The following PRAG1 variants were observed in gnomAD, a reference collection of about 807,000 sequenced individuals.
PRAG1 encodes PEAK1 related, kinase-activating pseudokinase 1.
A neutral mutation model predicts 95.6 loss-of-function variants in PRAG1; 110 were observed. The ratio of observed to expected loss-of-function variants is 1.15; its 90% CI spans 0.99 to 1.35. PRAG1 has a LOEUF of 1.35. Ranked by LOEUF, PRAG1 falls within the 40% of genes most tolerant of loss-of-function variation. The probability of loss-of-function intolerance (pLI) is 0.00; values close to 1 mark genes in which losing one functional copy is unlikely to be tolerated. For synonymous variants in PRAG1, 1,052 were observed against 819.4 expected (o/e 1.28, Z -4.85); for missense variants, 2,554 against 1,864.7 (o/e 1.37, Z -6.81).
intron 3 of PRAG1, among the ~76,000 whole-genome samples, chr8:8,350,420 G>A (rs1444657723): frequency 6.6e-6 from 1 of 152,214 alleles, no homozygotes; most frequent in South Asian, 2.1e-4. Context: ...GAAAGTCAAG[G>A]AGGAAACTCA....
rs201018986 is a variant in PRAG1 at position 8,376,416 on chromosome 8, G to A, written c.1993C>T (p.His665Tyr). Residue 665 changes from histidine (H) to tyrosine (Y), a missense_variant, in exon 3 of 6, where the codon CAT becomes TAT. Coordinates refer to ENST00000615670, the MANE Select transcript of PRAG1 (RefSeq NM_001080826.3). ...GRETKNGPTDHSNSTTWHRLH... is the reference protein window; with the variant it reads ...GRETKNGPTDYSNSTTWHRLH... ...CGGTGCCAGGTCGTGGAGTTTGAAT[G>A]GTCCGTGGGGCCATTTTTGGTCTCT... is the stretch of plus-strand genomic sequence containing the variant. 6 of 1,614,202 alleles carry A rather than the reference G, an allele frequency of 3.7e-6. No individual in the cohort carries two copies. The highest frequency in any genetic ancestry group is 1.3e-5 in the African/African-American group (1 of 75,050).
intron 3 of PRAG1, among the ~76,000 whole-genome samples, chr8:8,362,725 C>G (rs1315653516): frequency 6.6e-6 from 1 of 152,220 alleles, no homozygotes; most frequent in Non-Finnish European, 1.5e-5. Context: ...GCAATCCTGC[C>G]ACAAGAGCAC....
intron 3 of PRAG1, among the ~76,000 whole-genome samples, chr8:8,371,451 G>A (rs1377127820): frequency 2.0e-5 from 3 of 151,838 alleles, no homozygotes; most frequent in African/African-American, 7.2e-5. Flanking sequence ...TAGTAGAGAG[G>A]GGTTTCACCG....
At chr8:8,335,697 G>C (rs1221397976) in intron 4 of PRAG1, among the ~76,000 whole-genome samples, 2 of 151,934 alleles carry the variant, frequency 1.3e-5, no homozygotes, top group East Asian at 3.9e-4. Context: ...TTTTTCCTTT[G>C]GAGCACTTCC....
At chr8:8,379,819 T>C (rs549418593) in intron 2 of PRAG1, among the ~76,000 whole-genome samples, 14 of 152,230 alleles carry the variant, frequency 9.2e-5, no homozygotes, top group Non-Finnish European at 7.3e-5. Context: ...ATGAGCAGAA[T>C]GGTCTAGCCT....
At chr8:8,363,533 A>C (rs1799911867) in intron 3 of PRAG1, among the ~76,000 whole-genome samples, 1 of 152,184 alleles carries the variant, frequency 6.6e-6, no homozygotes, top group East Asian at 1.9e-4. Flanking sequence ...CAGAGACAGA[A>C]AGTAATGGTG....
chr8:8,376,349 A>T lies in PRAG1; in HGVS notation c.2060T>A (p.Val687Asp). The change falls in exon 3 of 6, where the codon GTT becomes GAT. Residue 687 changes from valine to aspartate, a missense_variant. By Grantham distance (152) the Val-to-Asp change is radical. Coordinates refer to ENST00000615670, the MANE Select transcript of PRAG1 (RefSeq NM_001080826.3). Reference sequence around the variant, plus strand: ...GGCGGATTTGCTCATCCCGGTCCCAACTTTGCTGTTCTGCCCAGAGGAGCC... The same window carrying T: ...GGCGGATTTGCTCATCCCGGTCCCATCTTTGCTGTTCTGCCCAGAGGAGCC... ...TDGSSGQNSKVGTGMSKSASF... is the reference protein window; with the variant it reads ...TDGSSGQNSKDGTGMSKSASF... 1 of 1,614,202 alleles carries T rather than the reference A, an allele frequency of 6.2e-7. No homozygotes were observed. Among genetic ancestry groups the T allele is most frequent in the South Asian group, 1.1e-5 (1 of 91,076 alleles).
At chr8:8,370,378 C>T (rs781716936) in intron 3 of PRAG1, among the ~76,000 whole-genome samples, 15 of 152,206 alleles carry the variant, frequency 9.9e-5, no homozygotes, top group East Asian at 1.9e-4. Flanking sequence ...CACTGAAATA[C>T]GGCCAGTATT....
At chr8:8,362,515 C>A (rs1171494493) in intron 3 of PRAG1, among the ~76,000 whole-genome samples, 1 of 152,176 alleles carries the variant, frequency 6.6e-6, no homozygotes, top group Non-Finnish European at 1.5e-5. Flanking sequence ...TTCCCAACCC[C>A]TGAGGCCACT....
At chr8:8,384,288 C>A (rs1469743781) in intron 1 of PRAG1, among the ~76,000 whole-genome samples, 1 of 151,968 alleles carries the variant, frequency 6.6e-6, no homozygotes, top group Non-Finnish European at 1.5e-5. Flanking sequence ...CTAAGATTCC[C>A]CAACCTTTGC....
In PRAG1 at chr8:8,376,798, C is replaced by T; in HGVS notation, c.1611G>A (p.Lys537=). ...GGGGAATGGCGGGCCTCTCCTTGGGCTTGCTCTCGCTGGCACTGTGAGCAT... is the reference window on the plus strand; with the variant it reads ...GGGGAATGGCGGGCCTCTCCTTGGGTTTGCTCTCGCTGGCACTGTGAGCAT... ...ESHAHSASES[K]PKERPAIPPK... Residue 537 remains lysine, a synonymous_variant, in exon 3 of 6, where the codon AAG becomes AAA. Transcript: ENST00000615670. The T allele has an allele frequency of 5.0e-6, 8 of 1,611,340 alleles. No homozygotes were observed. The highest frequency in any genetic ancestry group is 5.9e-6 in the Non-Finnish European group (7 of 1,179,722).
At chr8:8,333,345 G>T (rs1030150388) in intron 4 of PRAG1, among the ~76,000 whole-genome samples, 1 of 152,126 alleles carries the variant, frequency 6.6e-6, no homozygotes, top group African/African-American at 2.4e-5. Flanking sequence ...AGTACAACAC[G>T]CTCCATGCCT....
chr8:8,346,032 C>A (rs1350329307), intron 3 of PRAG1, among the ~76,000 whole-genome samples: 4 of 152,144 alleles, frequency 2.6e-5, no homozygotes, highest in Non-Finnish European at 5.9e-5. Flanking sequence ...TCTTAAGAAT[C>A]CCTGGAAAAG....
intron 3 of PRAG1, among the ~76,000 whole-genome samples, chr8:8,363,989 AT>A (rs1488828949): frequency 6.6e-6 from 1 of 152,104 alleles, no homozygotes; most frequent in Non-Finnish European, 1.5e-5. Flanking sequence ...TTACTTACCT[AT>A]TTCTCTAGAG....
In PRAG1 at chr8:8,329,820, C is replaced by T. The variant is rs189285450; in HGVS notation, c.2321-1359G>A. 4.3e-4 allele frequency among the ~76,000 whole-genome samples: 66 copies of T among 152,340 alleles called. 1 individual carries two copies. The South Asian group carries it at 5.2e-3, about 12-fold the overall frequency. On this transcript the variant is annotated intron_variant, in intron 4 of 5. Transcript: ENST00000615670. ...TGCTGCTCCACAGGGAGGAGGGTCT[C>T]TCTAGGGAGCAAGATGGATGGCCAT...
intron 5 of PRAG1, among the ~76,000 whole-genome samples, chr8:8,326,989 A>T (rs1263120097): frequency 6.6e-6 from 1 of 152,216 alleles, no homozygotes; most frequent in Non-Finnish European, 1.5e-5. Flanking sequence ...TCTGGATCTA[A>T]CATTAGAAGA....
At chr8:8,331,118 T>A (rs185946055) in intron 4 of PRAG1, among the ~76,000 whole-genome samples, 1 of 152,214 alleles carries the variant, frequency 6.6e-6, no homozygotes, top group African/African-American at 2.4e-5. Context: ...GGTCAATGCT[T>A]TCATCAGTGC....
intron 3 of PRAG1, among the ~76,000 whole-genome samples, chr8:8,351,690 G>C (rs966555491): frequency 6.6e-6 from 1 of 152,118 alleles, no homozygotes; most frequent in Non-Finnish European, 1.5e-5. Flanking sequence ...ATATTCCTCA[G>C]CTAATCAGGT....
rs769421657 is a variant in PRAG1 at position 8,377,250 on chromosome 8, G to C, written c.1159C>G (p.Pro387Ala). ...QQDPGCPGVT[P>A]SRCLGLTGEP... ...CCCGTCAGCCCAAGGCATCTGCTAG[G>C]GGTCACCCCTGGGCAGCCAGGGTCC... The change falls in exon 3 of 6, where the codon CCT (proline) becomes GCT (alanine). Residue 387 changes from proline to alanine, a missense_variant. Pro to Ala is a conservative substitution (Grantham distance 27). Transcript: ENST00000615670. 4 of 1,612,896 alleles carry C rather than the reference G, an allele frequency of 2.5e-6. No individual in the cohort carries two copies. The South Asian group carries it at 3.3e-5, about 13-fold the overall frequency.
Sources: gnomAD v4.1 joint callset for allele counts (sites outside exome capture counted in the v4.1 genomes callset) on GRCh38, gnomAD v4.1.1 for gene constraint, MANE v1.5 for transcripts, NCBI Gene and HGNC (gene_info 2026-07-23, HGNC 2026-07-21) for gene names.